Variants in TMEM132C observed in about 807,000 individuals in gnomAD.
The protein encoded by TMEM132C is protein phosphatase 1, regulatory subunit 152.
In TMEM132C, 29 loss-of-function variants were observed where a neutral mutation model predicts 61.4. That is an observed-to-expected ratio of 0.47 (90% CI 0.35 to 0.64). TMEM132C has a LOEUF of 0.64. Ranked by LOEUF, TMEM132C falls within the 30% of genes least tolerant of loss-of-function variation. TMEM132C has a pLI of 0.00. For missense variants in TMEM132C, 1,408 were observed against 1,476.9 expected, an observed-to-expected ratio of 0.95 and a Z score of 0.76; for synonymous variants, 656 against 633.1, an observed-to-expected ratio of 1.04 and a Z score of -0.54.
chr12:128,646,824 G>A (rs553448627), intron 4 of TMEM132C, among the ~76,000 whole-genome samples: 60 of 146,450 alleles, frequency 4.1e-4, no homozygotes, highest in Non-Finnish European at 6.6e-4. Flanking sequence ...GGAGTCCATC[G>A]GCATTGGATG....
chr12:128,275,985 T>G (rs1013612652), intron 1 of TMEM132C, among the ~76,000 whole-genome samples: 1 of 152,186 alleles, frequency 6.6e-6, no homozygotes, highest in African/African-American at 2.4e-5. Context: ...TGCCTCCGTC[T>G]TCACATGGCC....
chr12:128,480,449 G>C (rs942050086), intron 2 of TMEM132C, among the ~76,000 whole-genome samples: 2 of 152,190 alleles, frequency 1.3e-5, no homozygotes, highest in East Asian at 3.8e-4. Context: ...ATCTACATCA[G>C]AGGTCTCCGC....
At chr12:128,591,695 T>C (rs865989516) in intron 3 of TMEM132C, among the ~76,000 whole-genome samples, 1 of 152,200 alleles carries the variant, frequency 6.6e-6, no homozygotes, top group Admixed American at 6.5e-5. Context: ...TGCACCATTT[T>C]ACATTCCCAC....
chr12:128,591,818 G>A (rs1244025773), intron 3 of TMEM132C, among the ~76,000 whole-genome samples: 1 of 152,124 alleles, frequency 6.6e-6, no homozygotes, highest in East Asian at 1.9e-4. Flanking sequence ...TTGGGAGGCC[G>A]AGGCAGGTGG....
At chr12:128,339,270 C>CG (rs1872883711) in intron 1 of TMEM132C, among the ~76,000 whole-genome samples, 1 of 147,904 alleles carries the variant, frequency 6.8e-6, no homozygotes, top group East Asian at 2.0e-4. Context: ...TTACAGAGGG[C>CG]TTTTTTTTTT....
Position 128,570,226 on chromosome 12 carries a change from C to T in TMEM132C, c.1121+26123C>T, listed in dbSNP as rs529854441. Among the ~76,000 whole-genome samples, 1 of 152,224 alleles carries T rather than the reference C, an allele frequency of 6.6e-6. No individual in the cohort carries two copies. Among genetic ancestry groups the T allele is most frequent in the South Asian group, 2.1e-4 (1 of 4,814 alleles). On this transcript the variant is annotated intron_variant, in intron 3 of 8. Transcript: ENST00000435159. The surrounding 1 kb of genome is among the most constrained non-coding windows in gnomAD (Gnocchi z 4.7). Reference sequence around the variant, plus strand: ...CCTCCCCACCCCCGCACCCCCCACACACTCACACTGTGGTCACATTGAGAA... The same window carrying T: ...CCTCCCCACCCCCGCACCCCCCACATACTCACACTGTGGTCACATTGAGAA...
rs116205812 is a variant in TMEM132C at position 128,630,050 on chromosome 12, T to C, written c.1305+13715T>C. 0.011 allele frequency among the ~76,000 whole-genome samples: 1,615 copies of C among 151,360 alleles called. 28 individuals carry two copies. The highest frequency in any genetic ancestry group is 0.036 in the African/African-American group (1,470 of 41,192). ...ATAAAATAAATTTTAAAAATTCAAA[T>C]GCAAGCTGTGGGCTAAGGGAGAGGC... is the stretch of plus-strand genomic sequence containing the variant. On this transcript the variant is annotated intron_variant, in intron 4 of 8. Coordinates refer to ENST00000435159, the MANE Select transcript of TMEM132C (RefSeq NM_001136103.3). The surrounding 1 kb of genome is among the most constrained non-coding windows in gnomAD (Gnocchi z 4.3).
intron 1 of TMEM132C, among the ~76,000 whole-genome samples, chr12:128,304,637 GAA>G (rs113972082): frequency 0.035 from 5,230 of 147,660 alleles, 143 homozygotes; most frequent in African/African-American, 0.08. Context: ...AAGAAAGAAA[GAA>G]AAAAAAGAAA....
At chr12:128,369,350 TAAACATTAATACAATGTTCACTATGA>T (rs1873962470) in intron 1 of TMEM132C, among the ~76,000 whole-genome samples, 1 of 152,220 alleles carries the variant, frequency 6.6e-6, no homozygotes, top group African/African-American at 2.4e-5. Flanking sequence ...ATTTTATTAG[TAAACATTAATACAATGTTCACTATGA>T]AAACATCGAT....
At chr12:128,534,895 T>A (rs1439385648) in intron 2 of TMEM132C, among the ~76,000 whole-genome samples, 1 of 152,212 alleles carries the variant, frequency 6.6e-6, no homozygotes, top group African/African-American at 2.4e-5. Flanking sequence ...CCTATGAACA[T>A]GCACTATTAA....
At chr12:128,296,147 A>G (rs995348454) in intron 1 of TMEM132C, among the ~76,000 whole-genome samples, 7 of 152,136 alleles carry the variant, frequency 4.6e-5, no homozygotes, top group Non-Finnish European at 7.3e-5. Flanking sequence ...TGATGCCTGA[A>G]CCCAGGAGAC....
chr12:128,621,620 G>T (rs1314041210), intron 4 of TMEM132C, among the ~76,000 whole-genome samples: 2 of 152,212 alleles, frequency 1.3e-5, no homozygotes, highest in Non-Finnish European at 2.9e-5. Context: ...AGTGTCTGTT[G>T]TTTCATCCTC....
At chr12:128,607,357 G>A (rs1387941101) in intron 3 of TMEM132C, among the ~76,000 whole-genome samples, 2 of 152,164 alleles carry the variant, frequency 1.3e-5, no homozygotes, top group Non-Finnish European at 2.9e-5. Flanking sequence ...TTCAGCTTAA[G>A]CCAAGTGAGA....
intron 2 of TMEM132C, among the ~76,000 whole-genome samples, chr12:128,429,472 C>T (rs1014561047): frequency 3.9e-5 from 6 of 152,090 alleles, no homozygotes; most frequent in Admixed American, 2.0e-4. Flanking sequence ...CGAATGTGCC[C>T]GGGAACATGG....
At chr12:128,426,572 G>A (rs748540338) in intron 2 of TMEM132C, among the ~76,000 whole-genome samples, 5 of 152,222 alleles carry the variant, frequency 3.3e-5, no homozygotes, top group African/African-American at 4.8e-5. Context: ...GTCTCCAAAG[G>A]AAGGGTTTGT....
intron 3 of TMEM132C, among the ~76,000 whole-genome samples, chr12:128,563,976 T>C (rs1349081225): frequency 2.6e-5 from 4 of 152,312 alleles, no homozygotes; most frequent in African/African-American, 4.8e-5. Context: ...AATGGAACAC[T>C]AGGCATAAAT....
intron 1 of TMEM132C, among the ~76,000 whole-genome samples, chr12:128,319,556 G>A (rs192501174): frequency 3.9e-4 from 60 of 152,184 alleles, no homozygotes; most frequent in Non-Finnish European, 6.5e-4. Context: ...GGCCAGGCAC[G>A]GTGGCTCATG....
chr12:128,638,222 T>G (rs1474245818), intron 4 of TMEM132C, among the ~76,000 whole-genome samples: 1 of 152,200 alleles, frequency 6.6e-6, no homozygotes, highest in Non-Finnish European at 1.5e-5. Flanking sequence ...TGCTTTCACA[T>G]ATTTGGTCTT....
chr12:128,393,079 A>T (rs988167631), intron 1 of TMEM132C, among the ~76,000 whole-genome samples: 2 of 152,226 alleles, frequency 1.3e-5, no homozygotes, highest in Non-Finnish European at 2.9e-5. Flanking sequence ...GTCCTGAGAG[A>T]TGCCTATCAT....
Sources: allele counts gnomAD v4.1 joint callset (sites outside exome capture counted in the v4.1 genomes callset), GRCh38; gene constraint gnomAD v4.1.1; non-coding constraint Gnocchi (gnomAD v3.1); transcripts MANE v1.5; gene names NCBI Gene and HGNC (gene_info 2026-07-23, HGNC 2026-07-21).